Variants in CSMD1 observed in about 807,000 individuals in gnomAD.
CSMD1 encodes the protein CUB and sushi domain-containing protein 1.
Under a neutral mutation model 417.5 loss-of-function variants are expected in CSMD1, and 213 were observed. The observed-to-expected ratio is 0.51, with a 90% CI of 0.46 to 0.57. The LOEUF (loss-of-function observed/expected upper bound fraction) is 0.57, where lower values mean the gene tolerates loss of function less well. CSMD1 is among the 20% of genes least tolerant of loss of function. The pLI is 0.00. For missense variants in CSMD1, 6,923 were observed against 4,529.7 expected, an observed-to-expected ratio of 1.53 and a Z score of -15.17; for synonymous variants, 2,862 against 1,736.8, an observed-to-expected ratio of 1.65 and a Z score of -16.11.
chr8:3,502,298 G>C (rs903161408), intron 10 of CSMD1, among the ~76,000 whole-genome samples: 8 of 148,454 alleles, frequency 5.4e-5, no homozygotes, highest in African/African-American at 2.0e-4. Context: ...CCAGGAGGAG[G>C]AGCTTGCAGT....
chr8:3,608,526 G>A (rs1458896639), intron 8 of CSMD1, among the ~76,000 whole-genome samples: 1 of 152,134 alleles, frequency 6.6e-6, no homozygotes, highest in Non-Finnish European at 1.5e-5. Flanking sequence ...CACTTAGGGA[G>A]GCCAAGGTGG....
In CSMD1 at chr8:4,305,672, T is replaced by G. The variant is rs916443696; in HGVS notation, c.415+114281A>C. Among the ~76,000 whole-genome samples the G allele has an allele frequency of 5.9e-5, 9 of 152,124 alleles. No homozygotes were observed. The East Asian group carries it at 1.3e-3, about 23-fold the overall frequency. ...CATAACATCCTCAACCAGCAGAGAG[T>G]AAGTGCTTGCTCAAAATGTGTCCTC... On this transcript the variant is annotated intron_variant, in intron 3 of 69. Coordinates refer to ENST00000635120, the MANE Select transcript of CSMD1 (RefSeq NM_033225.6).
intron 25 of CSMD1, among the ~76,000 whole-genome samples, chr8:3,297,281 A>T (rs548493483): frequency 1.3e-5 from 2 of 152,232 alleles, no homozygotes; most frequent in Non-Finnish European, 2.9e-5. Context: ...ATGGGATATC[A>T]ATAAAAATCC....
intron 5 of CSMD1, among the ~76,000 whole-genome samples, chr8:3,983,320 TG>T (rs1472608764): frequency 1.3e-5 from 2 of 151,842 alleles, no homozygotes; most frequent in African/African-American, 4.8e-5. Flanking sequence ...TTAGTAGAGA[TG>T]GGGTTTCACC....
At chr8:3,562,149 T>C (rs1212178298) in intron 10 of CSMD1, among the ~76,000 whole-genome samples, 2 of 149,556 alleles carry the variant, frequency 1.3e-5, no homozygotes, top group Non-Finnish European at 3.0e-5. Context: ...AAAAAAAAAA[T>C]CCACTGTAAA....
intron 3 of CSMD1, among the ~76,000 whole-genome samples, chr8:4,152,685 G>C (rs985327923): frequency 2.6e-5 from 4 of 151,312 alleles, no homozygotes; most frequent in African/African-American, 9.8e-5. Flanking sequence ...GCGAGACCTT[G>C]TCTCAAAAAA....
chr8:4,467,768 G>A (rs996620613), intron 2 of CSMD1, among the ~76,000 whole-genome samples: 4 of 152,120 alleles, frequency 2.6e-5, no homozygotes, highest in Non-Finnish European at 4.4e-5. Context: ...ACCGTAGAAA[G>A]CACCTTGCAT....
chr8:3,230,722 T>C (rs1798787148), intron 26 of CSMD1, among the ~76,000 whole-genome samples: 1 of 152,134 alleles, frequency 6.6e-6, no homozygotes, highest in Non-Finnish European at 1.5e-5. Flanking sequence ...AGATGACCAG[T>C]GAGTTATACC....
intron 46 of CSMD1, among the ~76,000 whole-genome samples, chr8:3,098,214 C>T (rs762853866): frequency 6.6e-6 from 1 of 152,126 alleles, no homozygotes; most frequent in Non-Finnish European, 1.5e-5. Context: ...TATAGTTAAT[C>T]ACCTTTTCCT....
At chr8:3,223,690 A>T (rs1563158355) in intron 28 of CSMD1, 39 bp downstream of exon 28, 1 of 1,604,392 alleles carries the variant, frequency 6.2e-7, no homozygotes, top group East Asian at 2.2e-5. Flanking sequence ...ATGGAATTAA[A>T]AATCCTACTA....
At chr8:2,987,488 C>T (rs1463133322) in intron 54 of CSMD1, among the ~76,000 whole-genome samples, 2 of 150,288 alleles carry the variant, frequency 1.3e-5, no homozygotes, top group African/African-American at 2.4e-5. Flanking sequence ...ACATAAAATG[C>T]AATAAAATCT....
rs759268228 is a variant in CSMD1, at chr8:4,530,314, CTTTTTTTTTTTTTTTTTTT to C, written c.302+107009_302+107027del. Among the ~76,000 whole-genome samples the C allele has an allele frequency of 1.5e-4, 7 of 46,658 alleles. 1 individual carries two copies. 30.6% of individuals were successfully genotyped at this position (46,658 alleles called of 152,430 possible). A position where few individuals can be genotyped will look rare whatever the true frequency, so the allele number is the denominator to read the frequency against. On this transcript the variant is annotated intron_variant, in intron 2 of 69. Transcript: ENST00000635120. ...TTCACAGTTTATCGTACAGGTAGTG[CTTTTTTTTTTTTTTTTTTT>C]TTTTTTTTTTTACTTTCAGTGCTGG...
chr8:3,525,105 A>T (rs926796901), intron 10 of CSMD1, among the ~76,000 whole-genome samples: 2 of 152,050 alleles, frequency 1.3e-5, no homozygotes, highest in Non-Finnish European at 2.9e-5. Context: ...TTCAAGCTCA[A>T]AGTTACACAC....
chr8:4,552,137 C>G (rs1020856618), intron 2 of CSMD1, among the ~76,000 whole-genome samples: 4 of 152,188 alleles, frequency 2.6e-5, no homozygotes, highest in Non-Finnish European at 5.9e-5. Flanking sequence ...GGCACAAAAT[C>G]TAACATGCAT....
intron 1 of CSMD1, among the ~76,000 whole-genome samples, chr8:4,877,553 T>C (rs1803128561): frequency 6.6e-6 from 1 of 152,078 alleles, no homozygotes; most frequent in Admixed American, 6.6e-5. Flanking sequence ...TGCATTGCAC[T>C]AAGTTCAGCC....
chr8:3,221,283 T>C (rs540893131), intron 28 of CSMD1, among the ~76,000 whole-genome samples: 2 of 152,182 alleles, frequency 1.3e-5, no homozygotes, highest in Non-Finnish European at 2.9e-5. Context: ...GAAGGTGTCT[T>C]AGTCTGTTTA....
intron 6 of CSMD1, among the ~76,000 whole-genome samples, chr8:3,751,352 A>C (rs1797332937): frequency 6.7e-6 from 1 of 148,720 alleles, no homozygotes. Context: ...ACACGAACAC[A>C]CATCTACATC....
intron 2 of CSMD1, among the ~76,000 whole-genome samples, chr8:4,610,858 A>C (rs1801131412): frequency 6.6e-6 from 1 of 152,194 alleles, no homozygotes; most frequent in Non-Finnish European, 1.5e-5. Flanking sequence ...CGAAAACCTT[A>C]TACGATTTCG....
chr8:3,803,155 T>C (rs1800548908), intron 5 of CSMD1, among the ~76,000 whole-genome samples: 1 of 152,200 alleles, frequency 6.6e-6, no homozygotes, highest in Non-Finnish European at 1.5e-5. Flanking sequence ...ACTCATGTTC[T>C]AATCATGCTG....
Sources: gnomAD v4.1 joint callset for allele counts (sites outside exome capture counted in the v4.1 genomes callset) on GRCh38, gnomAD v4.1.1 for gene constraint, MANE v1.5 for transcripts, NCBI Gene and HGNC (gene_info 2026-07-23, HGNC 2026-07-21) for gene names.